The following DMD variants were observed in gnomAD, a reference collection of about 807,000 sequenced individuals.
DMD encodes the protein mutant dystrophin.
DMD carries 63 observed loss-of-function variants against 330.1 expected under a neutral mutation model. The ratio of observed to expected loss-of-function variants is 0.19; its 90% CI spans 0.16 to 0.24. DMD has a LOEUF of 0.24. Ranked by LOEUF, DMD falls within the 10% of genes least tolerant of loss-of-function variation. The probability of loss-of-function intolerance (pLI) is 1.00; values close to 1 mark genes in which losing one functional copy is unlikely to be tolerated. For missense variants in DMD, 3,344 were observed against 2,684.1 expected (o/e 1.25, Z -5.43); for synonymous variants, 1,223 against 959.8 (o/e 1.27, Z -5.07).
rs201753859 is a variant in DMD, at chrX:32,699,275, G to A, written c.668C>T (p.Pro223Leu). 1 of 1,205,640 alleles carries A rather than the reference G, an allele frequency of 8.3e-7. No homozygotes were observed. The highest frequency in any genetic ancestry group is 3.0e-5 in the East Asian group (1 of 33,679). The change falls in exon 8 of 79, where the codon CCA becomes CTA. Residue 223 changes from proline to leucine, a missense_variant. Physicochemically the swap from Pro to Leu is moderately conservative, Grantham distance 98. Coordinates refer to ENST00000357033, the MANE Select transcript of DMD (RefSeq NM_004006.3). ...GTACATTAAGATGGACTTCTTATCTGGATAGGTGGTATCAACATCTGTAAG... is the reference window on the plus strand; with the variant it reads ...GTACATTAAGATGGACTTCTTATCTAGATAGGTGGTATCAACATCTGTAAG... ...LDPEDVDTTYPDKKSILMYIT... is the reference protein window; with the variant it reads ...LDPEDVDTTYLDKKSILMYIT...
intron 62 of DMD, among the ~76,000 whole-genome samples, chrX:31,297,640 A>G (rs1051044432): frequency 7.1e-5 from 8 of 112,065 alleles, no homozygotes; most frequent in Admixed American, 1.9e-4. Flanking sequence ...TCTTTCCCTT[A>G]TGAGTTTGAG....
chrX:31,327,941 G>C (rs1460352646), intron 61 of DMD, among the ~76,000 whole-genome samples: 13 of 112,499 alleles, frequency 1.2e-4, no homozygotes, highest in Admixed American at 1.0e-3. Context: ...ACATTAGGTT[G>C]CTTTTAGCAT....
intron 16 of DMD, 111 bp downstream of exon 16, chrX:32,565,591 G>A: frequency 1.3e-6 from 1 of 786,994 alleles, no homozygotes; most frequent in Non-Finnish European, 1.9e-6. Context: ...ACTAAACACA[G>A]GGCAAAAACT....
At chrX:31,178,873 T>C in intron 69 of DMD, 68 bp from the exon 70 acceptor site, 1 of 1,129,456 alleles carries the variant, frequency 8.9e-7, no homozygotes, top group Non-Finnish European at 1.2e-6. Context: ...ACCACTCCAG[T>C]CTTCTGCCCC....
chrX:31,595,778 T>C (rs1224163283), intron 55 of DMD, among the ~76,000 whole-genome samples: 3 of 108,146 alleles, frequency 2.8e-5, no homozygotes, highest in African/African-American at 6.7e-5. Flanking sequence ...TATTTTATAA[T>C]ATAATGACAA....
At chrX:32,799,529 G>T (rs2076395954) in intron 7 of DMD, among the ~76,000 whole-genome samples, 1 of 110,109 alleles carries the variant, frequency 9.1e-6, no homozygotes, top group East Asian at 2.8e-4. Context: ...TTCCTTTAAA[G>T]AGAACATCCT....
At position 32,501,194 on chromosome X, in the gene DMD, G is replaced by A. The variant is rs370354559; in HGVS notation, c.2380+561C>T. Among the ~76,000 whole-genome samples the A allele has an allele frequency of 2.7e-5, 3 of 111,359 alleles. No individual in the cohort carries two copies. In the East Asian group the frequency reaches 8.4e-4, roughly 31 times the overall value. On this transcript the variant is annotated intron_variant, in intron 19 of 78. Coordinates refer to ENST00000357033, the MANE Select transcript of DMD (RefSeq NM_004006.3). Reference sequence around the variant, plus strand: ...TCTTGAAAAAGAAAGACAAAAACTTGGCTAGCTTTGTGCTTTTATCTCACT... The same window carrying A: ...TCTTGAAAAAGAAAGACAAAAACTTAGCTAGCTTTGTGCTTTTATCTCACT...
chrX:33,048,905 T>C (rs893667794), intron 1 of DMD, among the ~76,000 whole-genome samples: 1 of 110,424 alleles, frequency 9.1e-6, no homozygotes, highest in African/African-American at 3.3e-5. Context: ...ATTCCAATCA[T>C]TGGGGATTAA....
intron 7 of DMD, among the ~76,000 whole-genome samples, chrX:32,721,092 ATTTC>A (rs765875846): frequency 3.9e-4 from 43 of 109,535 alleles, no homozygotes; most frequent in Admixed American, 1.1e-3. Context: ...GTGTGTCACA[ATTTC>A]TTTATCTGTC....
At chrX:31,126,620 C>T (rs750703052) in intron 78 of DMD, 22 bp downstream of exon 78, 12 of 1,188,462 alleles carry the variant, frequency 1.0e-5, no homozygotes, top group South Asian at 7.1e-5. Flanking sequence ...AAGCCATGGC[C>T]GTGAGCCTGA....
intron 41 of DMD, among the ~76,000 whole-genome samples, chrX:32,319,228 C>T (rs1403787842): frequency 3.6e-5 from 4 of 110,647 alleles, no homozygotes; most frequent in African/African-American, 1.3e-4. Flanking sequence ...AGATAAGTAT[C>T]AACACATAAG....
At chrX:31,820,195 T>G (rs2092722369) in intron 49 of DMD, 112 bp from the exon 50 acceptor site, 1 of 659,176 alleles carries the variant, frequency 1.5e-6, no homozygotes, top group African/African-American at 2.2e-5. Flanking sequence ...ATATTTTACT[T>G]CTAAATTAAC....
intron 7 of DMD, among the ~76,000 whole-genome samples, chrX:32,737,326 G>C (rs906819321): frequency 9.0e-6 from 1 of 111,206 alleles, no homozygotes; most frequent in Non-Finnish European, 1.9e-5. Flanking sequence ...GATTTAGTGT[G>C]AGGAAAGAAA....
intron 2 of DMD, among the ~76,000 whole-genome samples, chrX:32,863,136 G>A (rs978688801): frequency 3.6e-5 from 4 of 111,401 alleles, no homozygotes; most frequent in African/African-American, 9.8e-5. Flanking sequence ...CCCAATGGTT[G>A]CTTTTCTGAC....
At chrX:32,251,908 G>C (rs1042712655) in intron 43 of DMD, among the ~76,000 whole-genome samples, 1 of 111,222 alleles carries the variant, frequency 9.0e-6, no homozygotes, top group African/African-American at 3.3e-5. Flanking sequence ...GATATGGGAG[G>C]ATTGCTTGAG....
At chrX:33,051,010 C>A (rs999168846) in intron 1 of DMD, among the ~76,000 whole-genome samples, 1 of 111,424 alleles carries the variant, frequency 9.0e-6, no homozygotes, top group Non-Finnish European at 1.9e-5. Flanking sequence ...AAGCAATAAA[C>A]TTGTTTAAAT....
intron 1 of DMD, among the ~76,000 whole-genome samples, chrX:33,189,401 C>T (rs2050420137): frequency 9.0e-6 from 1 of 111,336 alleles, no homozygotes; most frequent in African/African-American, 3.3e-5. Context: ...AATAAATTGA[C>T]AAAATATGGT....
At chrX:31,541,492 C>T (rs1246305891) in intron 55 of DMD, among the ~76,000 whole-genome samples, 1 of 85,165 alleles carries the variant, frequency 1.2e-5, no homozygotes, top group East Asian at 4.4e-4. Flanking sequence ...TCCCCCCTCC[C>T]CCCACCCCAC....
Position 32,389,682 on chromosome X carries a change from G to A in DMD, c.4345-8C>T, listed in dbSNP as rs886044675. On this transcript the variant is annotated splice_region_variant and splice_polypyrimidine_tract_variant and intron_variant, in intron 31 of 78. Transcript: ENST00000357033. ...GACATCTTGTAATTTTTTCTGTAAGGACAGTGTAAAAAGGCACTGATTTAA... is the reference window on the plus strand; with the variant it reads ...GACATCTTGTAATTTTTTCTGTAAGAACAGTGTAAAAAGGCACTGATTTAA... The A allele has an allele frequency of 5.8e-6, 7 of 1,205,910 alleles. No individual in the cohort carries two copies. Among genetic ancestry groups the A allele is most frequent in the Non-Finnish European group, 7.8e-6 (7 of 892,973 alleles).
Sources: gnomAD v4.1 joint callset for allele counts (sites outside exome capture counted in the v4.1 genomes callset) on GRCh38, gnomAD v4.1.1 for gene constraint, MANE v1.5 for transcripts, NCBI Gene and HGNC (gene_info 2026-07-23, HGNC 2026-07-21) for gene names.